The following MGAM2 variants were observed in gnomAD, a reference collection of about 807,000 sequenced individuals.
MGAM2 encodes probable maltase-glucoamylase 2.
A neutral mutation model predicts 96.1 loss-of-function variants in MGAM2; 98 were observed. The observed-to-expected ratio is 1.02, with a 90% CI of 0.87 to 1.21. The LOEUF is 1.21. MGAM2 is among the 50% of genes most tolerant of loss of function. The probability of loss-of-function intolerance (pLI) is 0.00; values close to 1 mark genes in which losing one functional copy is unlikely to be tolerated. For missense variants in MGAM2, 2,055 were observed against 1,182.4 expected, an observed-to-expected ratio of 1.74 and a Z score of -10.82; for synonymous variants, 749 against 414.8, an observed-to-expected ratio of 1.81 and a Z score of -9.79.
intron 3 of MGAM2, among the ~76,000 whole-genome samples, chr7:142,128,664 A>G (rs1239272652): frequency 6.6e-6 from 1 of 152,160 alleles, no homozygotes; most frequent in African/African-American, 2.4e-5. Context: ...TATAAGCCCC[A>G]AGTCTTGGCT....
chr7:142,137,898 A>G lies in MGAM2; in HGVS notation c.960+353A>G, dbSNP rs1795106362. Among the ~76,000 whole-genome samples, 3 of 152,234 alleles carry G rather than the reference A, an allele frequency of 2.0e-5. No individual in the cohort carries two copies. The South Asian group carries it at 6.2e-4, about 31-fold the overall frequency. ...TGAATAAACTTTGCTAGCTATTCAC[A>G]TTTGACTCAAATTATAGAAAAGGAA... On this transcript the variant is annotated intron_variant, in intron 9 of 47. Coordinates refer to ENST00000477922, the MANE Select transcript of MGAM2 (RefSeq NM_001293626.2).
intron 22 of MGAM2, 112 bp from the exon 23 acceptor site, chr7:142,161,843 A>G (rs918377684): frequency 7.5e-5 from 39 of 522,748 alleles, no homozygotes; most frequent in African/African-American, 7.3e-4. Flanking sequence ...CAGAACTCAG[A>G]TGAGCAGAAC....
intron 14 of MGAM2, among the ~76,000 whole-genome samples, chr7:142,147,225 T>C (rs1795413783): frequency 6.6e-6 from 1 of 152,204 alleles, no homozygotes; most frequent in African/African-American, 2.4e-5. Context: ...CCAGGATTCT[T>C]TGTGAGCTCA....
intron 37 of MGAM2, among the ~76,000 whole-genome samples, chr7:142,195,345 C>CTTTTTTT (rs1013124747): frequency 1.4e-5 from 1 of 70,008 alleles, no homozygotes; most frequent in Non-Finnish European, 2.6e-5. Flanking sequence ...CCTTTTTACT[C>CTTTTTTT]TTTTTTTTTT....
intron 17 of MGAM2, among the ~76,000 whole-genome samples, chr7:142,157,580 C>T (rs922102392): frequency 1.2e-4 from 19 of 152,036 alleles, no homozygotes; most frequent in Non-Finnish European, 2.6e-4. Flanking sequence ...TTAGTAGAGA[C>T]AGGATTTCAC....
At chr7:142,119,785 G>A (rs1478570029) in intron 2 of MGAM2, among the ~76,000 whole-genome samples, 1 of 152,214 alleles carries the variant, frequency 6.6e-6, no homozygotes, top group Non-Finnish European at 1.5e-5. Context: ...TATGCCAGGT[G>A]AAAGGAGCCA....
In MGAM2 at chr7:142,218,444, T is replaced by C. The variant is rs1797829260; in HGVS notation, c.5271T>C (p.Gly1757=). ...PLKVGYIRIW[G]VNTYVTQVSF... is the part of the protein sequence containing the mutation. ...AAGTTGGGTATATTAGAATCTGGGG[T>C]GTGAATACCTATGTGACACAAGTCA... The change falls in exon 47 of 48, where the codon GGT becomes GGC. Residue 1757 remains glycine, a synonymous_variant. Transcript: ENST00000477922. 4 of 702,578 alleles carry C rather than the reference T, an allele frequency of 5.7e-6. No homozygotes were observed. The highest frequency in any genetic ancestry group is 1.0e-5 in the Non-Finnish European group (4 of 384,846). The allele number at this position is 702,578 out of a possible 1,614,324, so 43.5% of individuals were successfully genotyped here.
rs903873092 is a variant in MGAM2, at chr7:142,159,358, C to T, written c.2220+15C>T. On this transcript the variant is annotated intron_variant, in intron 20 of 47. Transcript: ENST00000477922. ...ACTATGAGACAGTAAGTAAGGCAGC[C>T]CTGGTTGGCTCACAGACCTGCCTCT... 2 of 702,188 alleles carry T rather than the reference C, an allele frequency of 2.8e-6. No homozygotes were observed. Among genetic ancestry groups the T allele is most frequent in the South Asian group, 3.0e-5 (2 of 67,570 alleles). 43.5% of individuals were successfully genotyped at this position (702,188 alleles called of 1,614,324 possible). A position where few individuals can be genotyped will look rare whatever the true frequency, so the allele number is the denominator to read the frequency against.
intron 15 of MGAM2, among the ~76,000 whole-genome samples, chr7:142,149,338 G>A (rs1305244109): frequency 6.6e-6 from 1 of 151,986 alleles, no homozygotes; most frequent in Non-Finnish European, 1.5e-5. Flanking sequence ...TTTCACTATT[G>A]ATGATTCTTA....
At chr7:142,181,728 G>T (rs1374209780) in intron 32 of MGAM2, among the ~76,000 whole-genome samples, 4 of 152,188 alleles carry the variant, frequency 2.6e-5, no homozygotes, top group African/African-American at 7.2e-5. Flanking sequence ...GTGGGTTGTG[G>T]GGTATGTCTG....
intron 3 of MGAM2, among the ~76,000 whole-genome samples, chr7:142,125,214 G>C (rs1429593699): frequency 1.3e-5 from 2 of 152,090 alleles, no homozygotes; most frequent in African/African-American, 4.8e-5. Context: ...GGAATTTCCT[G>C]GTTTTGGAAG....
At chr7:142,188,471 G>GA (rs1361514397) in intron 36 of MGAM2, among the ~76,000 whole-genome samples, 2 of 151,962 alleles carry the variant, frequency 1.3e-5, no homozygotes, top group African/African-American at 4.8e-5. Flanking sequence ...CCAAAAACCA[G>GA]AAAAACAACA....
At chr7:142,116,366 C>T (rs962354665) in intron 1 of MGAM2, among the ~76,000 whole-genome samples, 2 of 152,282 alleles carry the variant, frequency 1.3e-5, no homozygotes, top group African/African-American at 2.4e-5. Flanking sequence ...GTTACCAGAT[C>T]CTTGAGAGTG....
intron 36 of MGAM2, among the ~76,000 whole-genome samples, chr7:142,189,151 A>G (rs1796792459): frequency 6.6e-6 from 1 of 152,218 alleles, no homozygotes; most frequent in Non-Finnish European, 1.5e-5. Flanking sequence ...TGCAAAAAGA[A>G]GGGGAGCTGC....
In MGAM2 at chr7:142,220,337, A is replaced by G. The variant is rs1797884643; in HGVS notation, c.5826A>G (p.Thr1942=). The G allele has an allele frequency of 1.4e-6, 1 of 702,214 alleles. No homozygotes were observed. 43.5% of individuals were successfully genotyped at this position (702,214 alleles called of 1,614,324 possible). A position where few individuals can be genotyped will look rare whatever the true frequency, so the allele number is the denominator to read the frequency against. The part of the protein sequence containing the change: ...STNATVPITT[T]CFATSTIGVT... ...ATGCTACTGTTCCTATCACAACCAC[A>G]TGTTTTGCAACAAGTACTATTGGTG... is the stretch of plus-strand genomic sequence containing the variant. The change falls in exon 48 of 48, where the codon ACA becomes ACG. Residue 1942 remains threonine, a synonymous_variant. Coordinates refer to ENST00000477922, the MANE Select transcript of MGAM2 (RefSeq NM_001293626.2).
intron 2 of MGAM2, among the ~76,000 whole-genome samples, chr7:142,118,672 T>C (rs907584984): frequency 1.3e-5 from 2 of 152,188 alleles, no homozygotes; most frequent in African/African-American, 2.4e-5. Context: ...AATATCTTCC[T>C]GATATGTAGC....
chr7:142,116,964 T>A lies in MGAM2; in HGVS notation c.91T>A (p.Leu31Met), dbSNP rs1047871786. 1 of 703,188 alleles carries A rather than the reference T, an allele frequency of 1.4e-6. No homozygotes were observed. The highest frequency in any genetic ancestry group is 1.7e-5 in the African/African-American group (1 of 57,362). 43.6% of individuals were successfully genotyped at this position (703,188 alleles called of 1,614,324 possible). A position where few individuals can be genotyped will look rare whatever the true frequency, so the allele number is the denominator to read the frequency against. Residue 31 changes from leucine to methionine, a missense_variant, in exon 2 of 48, where the codon TTG (leucine) becomes ATG (methionine). Transcript: ENST00000477922. ...TIDILLLLLV[L>M]EETSDTSFTP... ...AGATATCCTCTTGCTGCTTCTTGTG[T>A]TGGAGGAAACTTCAGGTAAGGGAGA...
At chr7:142,129,379 C>T (rs1224561574) in intron 3 of MGAM2, among the ~76,000 whole-genome samples, 1 of 152,010 alleles carries the variant, frequency 6.6e-6, no homozygotes, top group African/African-American at 2.4e-5. Context: ...CTTTAAGGGA[C>T]TATTGGAAGG....
rs780960548 is a variant in MGAM2, at chr7:142,149,420, C to A, written c.1634+1847C>A. ...TAGGTAATTTATAAGTAATTTATTT[C>A]TTTTCATGGTTTTCACTGTAATTAA... On this transcript the variant is annotated intron_variant, in intron 15 of 47. Transcript: ENST00000477922. Among the ~76,000 whole-genome samples, 112 of 152,118 alleles carry A rather than the reference C, an allele frequency of 7.4e-4. 1 individual carries two copies. The highest frequency in any genetic ancestry group is 6.2e-4 in the South Asian group (3 of 4,822).
Sources: allele counts gnomAD v4.1 joint callset (sites outside exome capture counted in the v4.1 genomes callset), GRCh38; gene constraint gnomAD v4.1.1; transcripts MANE v1.5; gene names NCBI Gene and HGNC (gene_info 2026-07-23, HGNC 2026-07-21).